Variants in DCP1A observed in about 807,000 individuals in gnomAD.
DCP1A encodes the protein mRNA-decapping enzyme 1A.
DCP1A carries 20 observed loss-of-function variants against 58.0 expected under a neutral mutation model. That is an observed-to-expected ratio of 0.34 (90% CI 0.24 to 0.50). DCP1A has a LOEUF of 0.50. Ranked by LOEUF, DCP1A falls within the 20% of genes least tolerant of loss-of-function variation. The pLI, the probability that DCP1A is intolerant of heterozygous loss-of-function variation, is 0.98. For synonymous variants in DCP1A, 285 were observed against 275.1 expected (o/e 1.04, Z -0.36); for missense variants, 613 against 712.2 (o/e 0.86, Z 1.59).
rs1553684983 is a variant in DCP1A at position 53,285,243 on chromosome 3, G to C, written c.*2337C>G. 2 of 152,164 alleles carry C rather than the reference G, an allele frequency of 1.3e-5. No individual in the cohort carries two copies. Among genetic ancestry groups the C allele is most frequent in the African/African-American group, 4.8e-5 (2 of 41,436 alleles). 9.4% of individuals were successfully genotyped at this position (152,164 alleles called of 1,614,324 possible). ...TCGATCCAACTAAGCTTCCAGTAAAGACACTGCAGCAATGTAAACATGCAA... is the reference window on the plus strand; with the variant it reads ...TCGATCCAACTAAGCTTCCAGTAAACACACTGCAGCAATGTAAACATGCAA... On this transcript the variant is annotated 3_prime_UTR_variant, in exon 10 of 10. Coordinates refer to ENST00000610213, the MANE Select transcript of DCP1A (RefSeq NM_018403.7).
chr3:53,343,140 G>C (rs1238905005), intron 2 of DCP1A, among the ~76,000 whole-genome samples: 1 of 152,186 alleles, frequency 6.6e-6, no homozygotes, highest in Non-Finnish European at 1.5e-5. Context: ...GGTGTTAACA[G>C]AACACTATTC....
intron 4 of DCP1A, among the ~76,000 whole-genome samples, chr3:53,315,693 CTACA>C (rs1240344578): frequency 2.0e-5 from 3 of 150,216 alleles, no homozygotes; most frequent in Non-Finnish European, 4.4e-5. Context: ...ACTCATTTTC[CTACA>C]TAGTTTCTCG....
rs1422063467 is a variant in DCP1A, at chr3:53,292,322, G to A, written c.1130C>T (p.Ala377Val). The change falls in exon 7 of 10, where the codon GCC becomes GTC. Residue 377 changes from alanine to valine, a missense_variant. Ala to Val is a moderately conservative substitution (Grantham distance 64). This residue lies in a region of DCP1A where 498 missense variants were observed against 556.7 expected (regional missense o/e 0.89). Coordinates refer to ENST00000610213, the MANE Select transcript of DCP1A (RefSeq NM_018403.7). ...SLIANQSPFR[A>V]PLNVTNTAGT... ...AGCTGTGTTCGTCACGTTCAATGGG[G>A]CCCTGAAGGGGCTCTGGTTGGCAAT... is the stretch of plus-strand genomic sequence containing the variant. 1.2e-6 allele frequency: 2 copies of A among 1,613,028 alleles called. No homozygotes were observed. The highest frequency in any genetic ancestry group is 1.3e-5 in the African/African-American group (1 of 74,888).
At chr3:53,304,823 T>C (rs1707421434) in intron 5 of DCP1A, among the ~76,000 whole-genome samples, 1 of 152,038 alleles carries the variant, frequency 6.6e-6, no homozygotes, top group Non-Finnish European at 1.5e-5. Context: ...GACCTTGTGA[T>C]CCATCCACCT....
intron 3 of DCP1A, among the ~76,000 whole-genome samples, chr3:53,341,023 A>G (rs1553692466): frequency 6.6e-6 from 1 of 152,212 alleles, no homozygotes; most frequent in Admixed American, 6.5e-5. Flanking sequence ...CTCTTGGCTC[A>G]GTGCTGGTAA....
Position 53,284,526 on chromosome 3 carries a change from C to CTTTT in DCP1A, c.*3050_*3053dup, listed in dbSNP as rs34308634. 4.3e-4 allele frequency: 26 copies of CTTTT among 59,850 alleles called. 1 individual carries two copies. The highest frequency in any genetic ancestry group is 1.3e-3 in the Admixed American group (6 of 4,458). The allele number at this position is 59,850 out of a possible 1,614,324, so 3.7% of individuals were successfully genotyped here. Reference sequence around the variant, plus strand: ...CCCTGTAGAGAGGGGCCCAGCGTGACTTTTTTTTTTTTTTTTTTTTTTTTT... The same window carrying CTTTT: ...CCCTGTAGAGAGGGGCCCAGCGTGACTTTTTTTTTTTTTTTTTTTTTTTTTTTTT... On this transcript the variant is annotated 3_prime_UTR_variant, in exon 10 of 10. Transcript: ENST00000610213.
chr3:53,341,676 A>G (rs1295916361), intron 3 of DCP1A, among the ~76,000 whole-genome samples: 1 of 152,128 alleles, frequency 6.6e-6, no homozygotes, highest in Non-Finnish European at 1.5e-5. Context: ...ATTATATACA[A>G]AAGAATGTTT....
intron 1 of DCP1A, among the ~76,000 whole-genome samples, chr3:53,346,752 C>T (rs1290464799): frequency 6.6e-6 from 1 of 152,164 alleles, no homozygotes; most frequent in Non-Finnish European, 1.5e-5. Flanking sequence ...TTTACAGGGT[C>T]TCTCTTGTTT....
At chr3:53,298,910 T>C (rs1707221755) in intron 6 of DCP1A, among the ~76,000 whole-genome samples, 1 of 152,234 alleles carries the variant, frequency 6.6e-6, no homozygotes, top group Non-Finnish European at 1.5e-5. Context: ...ACCAGTGTGT[T>C]ACAAGTGCCT....
rs2089309449 is a variant in DCP1A, at chr3:53,347,527, C to T, written c.-10G>A. The T allele has an allele frequency of 6.2e-7, 1 of 1,607,680 alleles. No individual in the cohort carries two copies. The highest frequency in any genetic ancestry group is 1.3e-5 in the African/African-American group (1 of 74,686). On this transcript the variant is annotated 5_prime_UTR_variant, in exon 1 of 10. Transcript: ENST00000610213. ...GACTCAGCGCCTCCATCTTGAATCC[C>T]AGAGCCTAGCCCCTCTGGTGGGGGC...
At chr3:53,342,703 T>C (rs1399669686) in intron 2 of DCP1A, among the ~76,000 whole-genome samples, 1 of 152,230 alleles carries the variant, frequency 6.6e-6, no homozygotes, top group African/African-American at 2.4e-5. Flanking sequence ...TGTCACCTTT[T>C]TCATGAGGCC....
intron 6 of DCP1A, among the ~76,000 whole-genome samples, chr3:53,299,426 C>T (rs567450239): frequency 1.3e-5 from 2 of 152,132 alleles, no homozygotes; most frequent in Non-Finnish European, 2.9e-5. Flanking sequence ...TGGCATTCAG[C>T]GAGCAACAGC....
At chr3:53,311,763 A>G (rs1707650151) in intron 5 of DCP1A, among the ~76,000 whole-genome samples, 1 of 152,188 alleles carries the variant, frequency 6.6e-6, no homozygotes, top group Non-Finnish European at 1.5e-5. Flanking sequence ...AGTGGTGAAG[A>G]AGAGGCACGA....
At chr3:53,305,696 G>T (rs1553687958) in intron 5 of DCP1A, among the ~76,000 whole-genome samples, 1 of 151,418 alleles carries the variant, frequency 6.6e-6, no homozygotes, top group Non-Finnish European at 1.5e-5. Context: ...GTACTTCTTG[G>T]GTCATATGAT....
intron 2 of DCP1A, among the ~76,000 whole-genome samples, chr3:53,344,391 G>A (rs1340813003): frequency 2.0e-5 from 3 of 152,038 alleles, no homozygotes; most frequent in African/African-American, 4.8e-5. Flanking sequence ...TAAAAAATAC[G>A]CCATCATGAA....
chr3:53,291,628 C>T (rs1473883697), intron 7 of DCP1A, among the ~76,000 whole-genome samples: 1 of 152,042 alleles, frequency 6.6e-6, no homozygotes, highest in East Asian at 1.9e-4. Context: ...CAGCATGGCA[C>T]CTCTTTATAA....
intron 5 of DCP1A, 147 bp downstream of exon 5, chr3:53,312,094 A>T: frequency 2.5e-6 from 2 of 800,316 alleles, no homozygotes; most frequent in Non-Finnish European, 3.7e-6. Context: ...GGGACTGATT[A>T]CAGGAGTGTG....
At chr3:53,346,576 C>T (rs6808423) in intron 1 of DCP1A, among the ~76,000 whole-genome samples, 1 of 152,106 alleles carries the variant, frequency 6.6e-6, no homozygotes, top group Non-Finnish European at 1.5e-5. Context: ...GGAAATTATG[C>T]TTTTTAAACA....
chr3:53,319,997 G>C (rs1224723721), intron 3 of DCP1A, among the ~76,000 whole-genome samples: 1 of 151,958 alleles, frequency 6.6e-6, no homozygotes, highest in Non-Finnish European at 1.5e-5. Flanking sequence ...AGCTGTGGTG[G>C]CGTGCCTGTA....
Sources: allele counts gnomAD v4.1 joint callset (sites outside exome capture counted in the v4.1 genomes callset), GRCh38; gene constraint gnomAD v4.1.1; regional missense constraint gnomAD v4.1.1; transcripts MANE v1.5; gene names NCBI Gene and HGNC (gene_info 2026-07-23, HGNC 2026-07-21).